RARB: variants seen among roughly 807,000 people sequenced by gnomAD.
The protein encoded by RARB is HBV-activated protein.
A neutral mutation model predicts 51.9 loss-of-function variants in RARB; 17 were observed. That is an observed-to-expected ratio of 0.33 (90% CI 0.22 to 0.49). The LOEUF (loss-of-function observed/expected upper bound fraction) is 0.49. RARB is among the 20% of genes least tolerant of loss of function. RARB has a pLI of 0.99. For missense variants in RARB, 369 were observed against 550.8 expected (o/e 0.67, Z 3.30); for synonymous variants, 215 against 195.4 (o/e 1.10, Z -0.84).
intron 5 of RARB, among the ~76,000 whole-genome samples, chr3:25,276,100 G>A (rs1256807103): frequency 6.6e-6 from 1 of 152,178 alleles, no homozygotes; most frequent in Non-Finnish European, 1.5e-5. Context: ...ACATCATGGG[G>A]ATAGTGTAAG....
chr3:25,083,400 A>G (rs146196271), intron 3 of RARB, among the ~76,000 whole-genome samples: 47 of 151,108 alleles, frequency 3.1e-4, no homozygotes, highest in African/African-American at 1.1e-3. Context: ...AACCTCTCTG[A>G]TCTCTTTTGG....
At chr3:25,191,122 T>A (rs1475692855) in intron 5 of RARB, among the ~76,000 whole-genome samples, 1 of 152,144 alleles carries the variant, frequency 6.6e-6, no homozygotes, top group Non-Finnish European at 1.5e-5. Flanking sequence ...CATGTTTCTT[T>A]CATGTATTAA....
chr3:25,139,962 A>T (rs13099080), intron 4 of RARB, among the ~76,000 whole-genome samples: 4 of 152,008 alleles, frequency 2.6e-5, no homozygotes, highest in African/African-American at 9.7e-5. Context: ...GTTTGCAGCC[A>T]GGTTTACTTA....
At chr3:25,180,452 C>G (rs557186608) in intron 5 of RARB, among the ~76,000 whole-genome samples, 1 of 152,280 alleles carries the variant, frequency 6.6e-6, no homozygotes, top group South Asian at 2.1e-4. Context: ...ATCTCATGTT[C>G]TAAAGTTCTG....
intron 5 of RARB, among the ~76,000 whole-genome samples, chr3:25,267,657 A>T (rs1474685358): frequency 6.6e-6 from 1 of 152,134 alleles, no homozygotes; most frequent in African/African-American, 2.4e-5. Context: ...ATTCTGTAGC[A>T]AATGTGCCAA....
chr3:25,367,959 G>A (rs73820431), intron 5 of RARB, among the ~76,000 whole-genome samples: 1 of 152,112 alleles, frequency 6.6e-6, no homozygotes, highest in East Asian at 1.9e-4. Flanking sequence ...GGGCGGACAG[G>A]CAATTAAGTT....
chr3:25,559,325 C>A lies in RARB; in HGVS notation c.449-10433C>A, dbSNP rs568349953. 2.6e-5 allele frequency among the ~76,000 whole-genome samples: 4 copies of A among 152,286 alleles called. No individual in the cohort carries two copies. In the East Asian group the frequency reaches 7.7e-4, roughly 29 times the overall value. On this transcript the variant is annotated intron_variant, in intron 3 of 7. Transcript: ENST00000330688. Reference sequence around the variant, plus strand: ...CATATTCTTATAAGGGTATTCAGCTCAAGATTCCTCTCTTCTGAGATGTTT... The same window carrying A: ...CATATTCTTATAAGGGTATTCAGCTAAAGATTCCTCTCTTCTGAGATGTTT...
chr3:25,303,607 C>T (rs967872505), intron 5 of RARB, among the ~76,000 whole-genome samples: 2 of 152,176 alleles, frequency 1.3e-5, no homozygotes, highest in Non-Finnish European at 2.9e-5. Flanking sequence ...ATGGTTGAAT[C>T]TTCATTGAGT....
chr3:25,132,347 T>C (rs1699967399), intron 4 of RARB, among the ~76,000 whole-genome samples: 1 of 151,942 alleles, frequency 6.6e-6, no homozygotes, highest in Non-Finnish European at 1.5e-5. Flanking sequence ...ATGATATTAT[T>C]GCATTTGAAC....
chr3:25,372,946 G>A (rs1028530612), intron 5 of RARB, among the ~76,000 whole-genome samples: 1 of 152,204 alleles, frequency 6.6e-6, no homozygotes, highest in Non-Finnish European at 1.5e-5. Context: ...GGCAATGTGG[G>A]TGAAGGGAAA....
intron 4 of RARB, among the ~76,000 whole-genome samples, chr3:25,575,560 C>A (rs981140565): frequency 6.6e-6 from 1 of 152,154 alleles, no homozygotes; most frequent in Non-Finnish European, 1.5e-5. Context: ...TAGCTTCTGG[C>A]GTGGAAGGCA....
At chr3:25,151,137 G>T (rs563920387) in intron 4 of RARB, among the ~76,000 whole-genome samples, 3 of 152,280 alleles carry the variant, frequency 2.0e-5, no homozygotes. Flanking sequence ...TTGCCCCTTG[G>T]CTTTCCATTT....
intron 2 of RARB, among the ~76,000 whole-genome samples, chr3:24,878,836 C>T (rs561959360): frequency 2.6e-4 from 40 of 152,124 alleles, no homozygotes; most frequent in South Asian, 8.3e-4. Flanking sequence ...TAAGATTGCC[C>T]GGAGAAAAAC....
intron 2 of RARB, among the ~76,000 whole-genome samples, chr3:24,977,029 A>G (rs549031057): frequency 6.6e-6 from 1 of 152,272 alleles, no homozygotes; most frequent in East Asian, 1.9e-4. Flanking sequence ...TCCTTTTCCC[A>G]TTTCTTGTTT....
intron 5 of RARB, among the ~76,000 whole-genome samples, chr3:25,187,940 C>T (rs1186546667): frequency 6.6e-6 from 1 of 151,982 alleles, no homozygotes; most frequent in East Asian, 1.9e-4. Context: ...AGACAACCTT[C>T]CTGGCTAATA....
intron 3 of RARB, among the ~76,000 whole-genome samples, chr3:25,081,612 TATATATATA>T (rs537003516): frequency 2.1e-3 from 29 of 14,132 alleles, no homozygotes; most frequent in African/African-American, 3.6e-3. Context: ...TATATATATA[TATATATATA>T]TTTTTTTTTT....
intron 2 of RARB, among the ~76,000 whole-genome samples, chr3:24,960,808 T>C (rs909063002): frequency 2.0e-5 from 3 of 152,128 alleles, no homozygotes; most frequent in Non-Finnish European, 4.4e-5. Flanking sequence ...CTTTCCTTTT[T>C]TAAAAAAGTA....
chr3:25,198,938 T>C (rs1701314293), intron 5 of RARB, among the ~76,000 whole-genome samples: 1 of 152,016 alleles, frequency 6.6e-6, no homozygotes, highest in Non-Finnish European at 1.5e-5. Context: ...CCACTGCTTT[T>C]TGGTATATAC....
chr3:25,318,375 T>C (rs1704480300), intron 5 of RARB, among the ~76,000 whole-genome samples: 1 of 152,206 alleles, frequency 6.6e-6, no homozygotes, highest in Non-Finnish European at 1.5e-5. Context: ...TAGTGGCTAA[T>C]GTGTCTAATG....
Sources: gnomAD v4.1 joint callset for allele counts (sites outside exome capture counted in the v4.1 genomes callset) on GRCh38, gnomAD v4.1.1 for gene constraint, MANE v1.5 for transcripts, NCBI Gene and HGNC (gene_info 2026-07-23, HGNC 2026-07-21) for gene names.